Variants in SAMD12 observed in about 807,000 individuals in gnomAD.
SAMD12 encodes sterile alpha motif domain-containing protein 12.
A neutral mutation model predicts 15.0 loss-of-function variants in SAMD12; 9 were observed. The observed-to-expected ratio is 0.60, with a 90% confidence interval of 0.36 to 1.05. The LOEUF (loss-of-function observed/expected upper bound fraction) is 1.05, where lower values mean the gene tolerates loss of function less well. Ranked by LOEUF, SAMD12 falls within the 50% of genes least tolerant of loss-of-function variation. SAMD12 has a pLI of 0.01. For synonymous variants in SAMD12, 86 were observed against 90.1 expected, an observed-to-expected ratio of 0.96 and a Z score of 0.25; for missense variants, 230 against 234.2, an observed-to-expected ratio of 0.98 and a Z score of 0.12.
intron 4 of SAMD12, among the ~76,000 whole-genome samples, chr8:118,244,463 T>A (rs1213816242): frequency 2.6e-5 from 4 of 152,148 alleles, no homozygotes; most frequent in Admixed American, 2.6e-4. Context: ...TCCATTCAGG[T>A]GTCAAATAAT....
chr8:118,469,341 A>G (rs950904665), intron 2 of SAMD12, among the ~76,000 whole-genome samples: 1 of 147,130 alleles, frequency 6.8e-6, no homozygotes, highest in African/African-American at 2.5e-5. Context: ...TGGAGAGTCT[A>G]TTTGCCTAGC....
intron 4 of SAMD12, among the ~76,000 whole-genome samples, chr8:118,331,846 G>GA (rs1292169901): frequency 7.9e-5 from 12 of 152,208 alleles, no homozygotes; most frequent in African/African-American, 2.9e-4. Context: ...GCTGGAGGAG[G>GA]AAAGTATGGT....
At chr8:118,247,104 C>T (rs1812713644) in intron 4 of SAMD12, among the ~76,000 whole-genome samples, 1 of 152,026 alleles carries the variant, frequency 6.6e-6, no homozygotes, top group South Asian at 2.1e-4. Flanking sequence ...TTGTCACTTG[C>T]AACAACGTGG....
At chr8:118,303,084 G>A (rs1815133248) in intron 4 of SAMD12, among the ~76,000 whole-genome samples, 1 of 152,164 alleles carries the variant, frequency 6.6e-6, no homozygotes, top group Admixed American at 6.5e-5. Context: ...AATGCTCACT[G>A]CCGTCACATT....
At chr8:118,450,853 C>A (rs1444377241) in intron 2 of SAMD12, among the ~76,000 whole-genome samples, 1 of 152,098 alleles carries the variant, frequency 6.6e-6, no homozygotes, top group Non-Finnish European at 1.5e-5. Context: ...GCTTGGCATG[C>A]ATTTGCACTC....
chr8:118,507,989 T>TC (rs202120198), intron 2 of SAMD12, among the ~76,000 whole-genome samples: 2 of 111,582 alleles, frequency 1.8e-5, no homozygotes, highest in African/African-American at 8.1e-5. Flanking sequence ...TAGTATAATC[T>TC]CCTTTTTTTT....
chr8:118,252,054 G>A (rs1239843673), intron 4 of SAMD12, among the ~76,000 whole-genome samples: 1 of 152,170 alleles, frequency 6.6e-6, no homozygotes, highest in African/African-American at 2.4e-5. Flanking sequence ...GCCGCAGAGG[G>A]CAGAACCTAA....
chr8:118,407,837 CT>C (rs1423048129), intron 3 of SAMD12, among the ~76,000 whole-genome samples: 1 of 152,146 alleles, frequency 6.6e-6, no homozygotes, highest in Non-Finnish European at 1.5e-5. Context: ...CTCACATTCC[CT>C]GAGGAACATG....
At chr8:118,329,658 G>A (rs144585746) in intron 4 of SAMD12, among the ~76,000 whole-genome samples, 1,865 of 152,246 alleles carry the variant, frequency 0.012, 20 homozygotes, top group Non-Finnish European at 0.02. Flanking sequence ...AATGTACTGC[G>A]TCGCTTTGCC....
chr8:118,426,708 T>A (rs1454269222), intron 3 of SAMD12, among the ~76,000 whole-genome samples: 17 of 152,244 alleles, frequency 1.1e-4, no homozygotes, highest in Admixed American at 1.1e-3. Flanking sequence ...AGCAGTAGTT[T>A]ACTTACAGTA....
At chr8:118,493,199 A>G (rs1824499671) in intron 2 of SAMD12, among the ~76,000 whole-genome samples, 1 of 152,168 alleles carries the variant, frequency 6.6e-6, no homozygotes, top group South Asian at 2.1e-4. Flanking sequence ...TGACCATATG[A>G]AAAACTTCAG....
intron 2 of SAMD12, among the ~76,000 whole-genome samples, chr8:118,562,950 T>C (rs1404392058): frequency 6.6e-6 from 1 of 152,050 alleles, no homozygotes; most frequent in Non-Finnish European, 1.5e-5. Flanking sequence ...GATAGAAACA[T>C]AAGAAAAAGG....
At chr8:118,160,359 G>C in the SAMD12 span, among the ~76,000 whole-genome samples, 1 of 152,148 alleles carries the variant, frequency 6.6e-6, no homozygotes, top group African/African-American at 2.4e-5. Flanking sequence ...CATAAGACTT[G>C]TAGGGAAATA....
At chr8:118,237,291 C>T (rs555092540) in intron 4 of SAMD12, among the ~76,000 whole-genome samples, 3 of 149,560 alleles carry the variant, frequency 2.0e-5, no homozygotes, top group African/African-American at 2.5e-5. Context: ...TCGTACCTAC[C>T]TTACCAAATT....
chr8:118,225,505 T>C (rs1251377229), intron 4 of SAMD12, among the ~76,000 whole-genome samples: 2 of 152,176 alleles, frequency 1.3e-5, no homozygotes, highest in Non-Finnish European at 2.9e-5. Flanking sequence ...GGGTGAGCTC[T>C]GTACCATGCT....
the SAMD12 span, among the ~76,000 whole-genome samples, chr8:118,164,010 C>A: frequency 2.0e-5 from 3 of 152,170 alleles, no homozygotes; most frequent in African/African-American, 4.8e-5. Flanking sequence ...TCTCCTCCAA[C>A]TTTACACATG....
chr8:118,285,041 G>A (rs979939744), intron 4 of SAMD12: 3 of 151,416 alleles, frequency 2.0e-5, no homozygotes, highest in Admixed American at 6.6e-5. Context: ...CCCGGCCGAA[G>A]TTCCCTCTCA....
chr8:118,552,286 C>A (rs1353190673), intron 2 of SAMD12, among the ~76,000 whole-genome samples: 1 of 152,098 alleles, frequency 6.6e-6, no homozygotes, highest in Non-Finnish European at 1.5e-5. Flanking sequence ...CAATAAAATA[C>A]CGGCAAACCG....
chr8:118,149,948 C>G, the SAMD12 span, among the ~76,000 whole-genome samples: 1 of 152,140 alleles, frequency 6.6e-6, no homozygotes, highest in East Asian at 1.9e-4. Context: ...CATCTTGCAA[C>G]CAATACCACA....
Sources: allele counts gnomAD v4.1 joint callset (sites outside exome capture counted in the v4.1 genomes callset), GRCh38; gene constraint gnomAD v4.1.1; transcripts MANE v1.5; gene names NCBI Gene and HGNC (gene_info 2026-07-23, HGNC 2026-07-21).